The following KCNU1 variants were observed in gnomAD, a reference collection of about 807,000 sequenced individuals.
KCNU1 encodes the protein potassium calcium-activated channel subfamily U member 1.
Under a neutral mutation model 126.8 loss-of-function variants are expected in KCNU1, and 93 were observed. That is an observed-to-expected ratio of 0.73 (90% confidence interval 0.62 to 0.87). KCNU1 has a LOEUF of 0.87. Ranked by LOEUF, KCNU1 falls within the 40% of genes least tolerant of loss-of-function variation. The probability of loss-of-function intolerance (pLI) is 0.00; values close to 1 mark genes in which losing one functional copy is unlikely to be tolerated. For missense variants in KCNU1, 1,330 were observed against 1,367.1 expected (o/e 0.97, Z 0.43); for synonymous variants, 523 against 494.2 (o/e 1.06, Z -0.77).
Position 36,874,108 on chromosome 8 carries a change from C to G in KCNU1, c.2009+9587C>G, listed in dbSNP as rs182439583. ...TTTTCTGCTGCCAAATGAAAAGGAA[C>G]AGATATTTTACTTATTTCACTCTGA... On this transcript the variant is annotated intron_variant, in intron 19 of 26. Transcript: ENST00000399881. Among the ~76,000 whole-genome samples the G allele has an allele frequency of 3.7e-3, 558 of 152,050 alleles. 1 individual carries two copies. The highest frequency in any genetic ancestry group is 0.013 in the African/African-American group (534 of 41,448).
At chr8:36,792,925 A>C (rs1178707100) in intron 2 of KCNU1, among the ~76,000 whole-genome samples, 1 of 152,064 alleles carries the variant, frequency 6.6e-6, no homozygotes, top group Non-Finnish European at 1.5e-5. Context: ...TTGATGTTGA[A>C]CCCTGTCTCA....
intron 16 of KCNU1, among the ~76,000 whole-genome samples, chr8:36,842,723 T>G (rs1455231306): frequency 6.6e-6 from 1 of 152,170 alleles, no homozygotes; most frequent in African/African-American, 2.4e-5. Flanking sequence ...CAGGCTGGAG[T>G]GCAATGGCAC....
chr8:36,928,813 T>C (rs1808608842), intron 24 of KCNU1: 1 of 534,690 alleles, frequency 1.9e-6, no homozygotes, highest in Admixed American at 3.6e-5. Flanking sequence ...CAGGAAGTAT[T>C]GCTCAGTCTG....
At chr8:36,898,913 G>T (rs146866839) in intron 19 of KCNU1, among the ~76,000 whole-genome samples, 29 of 152,118 alleles carry the variant, frequency 1.9e-4, no homozygotes, top group African/African-American at 6.7e-4. Flanking sequence ...TTTTATTAAA[G>T]GTACCTGCTG....
chr8:36,886,899 T>A (rs556939890), intron 19 of KCNU1, among the ~76,000 whole-genome samples: 2 of 152,274 alleles, frequency 1.3e-5, no homozygotes, highest in South Asian at 4.1e-4. Flanking sequence ...ACATACAGTA[T>A]TTGGTTTTCC....
chr8:36,920,795 G>A (rs1808314064), intron 23 of KCNU1, among the ~76,000 whole-genome samples: 1 of 152,196 alleles, frequency 6.6e-6, no homozygotes, highest in Non-Finnish European at 1.5e-5. Context: ...GAAGTGCACA[G>A]GAGATGTGGA....
At chr8:36,883,300 G>T (rs936926887) in intron 19 of KCNU1, among the ~76,000 whole-genome samples, 4 of 152,114 alleles carry the variant, frequency 2.6e-5, no homozygotes, top group Admixed American at 2.0e-4. Context: ...TTGATGTCTG[G>T]CTCACTTAGT....
intron 9 of KCNU1, among the ~76,000 whole-genome samples, chr8:36,816,106 T>TAA (rs397773060): frequency 6.6e-6 from 1 of 151,868 alleles, no homozygotes; most frequent in Non-Finnish European, 1.5e-5. Flanking sequence ...TTAAAATAAT[T>TAA]TAGTTCAGTT....
chr8:36,847,687 A>G (rs891692127), intron 18 of KCNU1, among the ~76,000 whole-genome samples: 7 of 152,188 alleles, frequency 4.6e-5, no homozygotes, highest in Admixed American at 3.3e-4. Flanking sequence ...CATTGTTTAT[A>G]CGTATCACAT....
At chr8:36,839,047 AGTT>A (rs1292245464) in intron 14 of KCNU1, among the ~76,000 whole-genome samples, 1 of 152,212 alleles carries the variant, frequency 6.6e-6, no homozygotes, top group South Asian at 2.1e-4. Context: ...ATAAAATTAA[AGTT>A]ATTAATCTCA....
chr8:36,848,309 T>G (rs958334650), intron 18 of KCNU1, among the ~76,000 whole-genome samples: 1 of 152,216 alleles, frequency 6.6e-6, no homozygotes, highest in Non-Finnish European at 1.5e-5. Context: ...GCACCATTTG[T>G]CTATTTTTGG....
At chr8:36,878,420 C>A (rs1005652305) in intron 19 of KCNU1, among the ~76,000 whole-genome samples, 1 of 152,088 alleles carries the variant, frequency 6.6e-6, no homozygotes, top group East Asian at 1.9e-4. Flanking sequence ...TACAAAGGCT[C>A]TCTTTACCTC....
Position 36,911,122 on chromosome 8 carries a change from G to T in KCNU1, c.2521+3G>T, listed in dbSNP as rs1236714897. On this transcript the variant is annotated splice_donor_region_variant and intron_variant, in intron 22 of 26. Coordinates refer to ENST00000399881, the MANE Select transcript of KCNU1 (RefSeq NM_001031836.3). ...TGACCCGTCACCCTCAGTGTCAGGT[G>T]AGAACAGCACCCCTGAAAAGAAGAA... The T allele has an allele frequency of 1.9e-6, 3 of 1,607,392 alleles. No individual in the cohort carries two copies. The highest frequency in any genetic ancestry group is 2.6e-6 in the Non-Finnish European group (3 of 1,174,964).
intron 19 of KCNU1, among the ~76,000 whole-genome samples, chr8:36,866,026 T>C (rs1263793362): frequency 6.6e-6 from 1 of 151,754 alleles, no homozygotes; most frequent in African/African-American, 2.4e-5. Flanking sequence ...AAGTGGTGGG[T>C]GGGGGAAATG....
intron 10 of KCNU1, among the ~76,000 whole-genome samples, chr8:36,832,535 CT>C (rs1804591504): frequency 6.6e-6 from 1 of 152,030 alleles, no homozygotes; most frequent in African/African-American, 2.4e-5. Context: ...TTGCTGTCTA[CT>C]TTTGTTATTT....
intron 19 of KCNU1, among the ~76,000 whole-genome samples, chr8:36,875,930 G>A (rs150019764): frequency 3.9e-4 from 60 of 152,264 alleles, no homozygotes; most frequent in East Asian, 1.5e-3. Flanking sequence ...CATGGGCAAC[G>A]TGCTTTCTTT....
At chr8:36,858,175 G>GGA (rs1184987542) in intron 18 of KCNU1, among the ~76,000 whole-genome samples, 1 of 37,766 alleles carries the variant, frequency 2.6e-5, no homozygotes, top group Non-Finnish European at 5.7e-5. Flanking sequence ...TTCAAGGATG[G>GGA]CAAAAAAAAA....
intron 19 of KCNU1, among the ~76,000 whole-genome samples, chr8:36,900,578 T>A (rs1200018031): frequency 1.3e-5 from 2 of 152,046 alleles, no homozygotes; most frequent in Admixed American, 6.6e-5. Flanking sequence ...TTAGGTGATT[T>A]TTTTTCCCCA....
intron 23 of KCNU1, among the ~76,000 whole-genome samples, chr8:36,919,384 C>A (rs907436996): frequency 6.7e-6 from 1 of 148,516 alleles, no homozygotes; most frequent in Non-Finnish European, 1.5e-5. Flanking sequence ...TATTTCCCCC[C>A]GTCACCTTAA....
Sources: gnomAD v4.1 joint callset for allele counts (sites outside exome capture counted in the v4.1 genomes callset) on GRCh38, gnomAD v4.1.1 for gene constraint, MANE v1.5 for transcripts, NCBI Gene and HGNC (gene_info 2026-07-23, HGNC 2026-07-21) for gene names.